Variants in CSMD3 observed in about 807,000 individuals in gnomAD.
CSMD3 encodes CUB and Sushi multiple domains 3.
CSMD3 carries 177 observed loss-of-function variants against 435.2 expected under a neutral mutation model. That is an observed-to-expected ratio of 0.41 (90% confidence interval 0.36 to 0.46). CSMD3 has a LOEUF of 0.46. CSMD3 is among the 20% of genes least tolerant of loss of function. The pLI is 0.34. For synonymous variants in CSMD3, 1,656 were observed against 1,520.5 expected, an observed-to-expected ratio of 1.09 and a Z score of -2.07; for missense variants, 4,265 against 4,504.6, an observed-to-expected ratio of 0.95 and a Z score of 1.52.
chr8:112,692,318 G>A (rs1246169653), intron 13 of CSMD3, among the ~76,000 whole-genome samples: 1 of 151,996 alleles, frequency 6.6e-6, no homozygotes, highest in Non-Finnish European at 1.5e-5. Context: ...TTGTTCACTT[G>A]TGAAAAGTTT....
intron 4 of CSMD3, among the ~76,000 whole-genome samples, chr8:113,166,370 T>C (rs2092149286): frequency 6.6e-6 from 1 of 152,080 alleles, no homozygotes; most frequent in Non-Finnish European, 1.5e-5. Flanking sequence ...CTTGATGTGG[T>C]GGTGCATACC....
At chr8:112,719,976 C>T (rs957710975) in intron 13 of CSMD3, among the ~76,000 whole-genome samples, 3 of 152,114 alleles carry the variant, frequency 2.0e-5, no homozygotes, top group African/African-American at 2.4e-5. Context: ...GTGAGAGAGA[C>T]GAAGAACCTA....
chr8:112,665,732 T>G (rs1246967462), intron 17 of CSMD3, among the ~76,000 whole-genome samples: 1 of 152,168 alleles, frequency 6.6e-6, no homozygotes, highest in Non-Finnish European at 1.5e-5. Context: ...ATTTAAAATA[T>G]ACAATATTAT....
intron 2 of CSMD3, among the ~76,000 whole-genome samples, chr8:113,299,092 A>G (rs1040286617): frequency 7.2e-5 from 11 of 152,288 alleles, no homozygotes; most frequent in Admixed American, 2.0e-4. Context: ...GCTGCTATAA[A>G]TATTAGCCAA....
intron 6 of CSMD3, among the ~76,000 whole-genome samples, chr8:112,986,443 G>T (rs1353990708): frequency 6.6e-6 from 1 of 151,990 alleles, no homozygotes; most frequent in Non-Finnish European, 1.5e-5. Context: ...ACATCACAAG[G>T]ACATCTAGGC....
chr8:113,167,704 C>T (rs2092180903), intron 4 of CSMD3, among the ~76,000 whole-genome samples: 1 of 152,190 alleles, frequency 6.6e-6, no homozygotes, highest in Non-Finnish European at 1.5e-5. Context: ...GGATTGACAT[C>T]ACTGCAATTT....
chr8:113,232,669 T>C (rs2093101700), intron 3 of CSMD3, among the ~76,000 whole-genome samples: 1 of 151,716 alleles, frequency 6.6e-6, no homozygotes, highest in Non-Finnish European at 1.5e-5. Context: ...ATAGAAGGAG[T>C]AATGTCCAGT....
chr8:112,729,729 C>T (rs1023874437), intron 13 of CSMD3, among the ~76,000 whole-genome samples: 1 of 152,056 alleles, frequency 6.6e-6, no homozygotes, highest in African/African-American at 2.4e-5. Flanking sequence ...CTTATATGGA[C>T]ACACAGAAGA....
At chr8:112,499,116 C>A (rs1277109431) in intron 30 of CSMD3, among the ~76,000 whole-genome samples, 1 of 151,684 alleles carries the variant, frequency 6.6e-6, no homozygotes, top group South Asian at 2.1e-4. Flanking sequence ...AATAAATAAG[C>A]AAGGAAGTAT....
chr8:112,323,039 G>C (rs1158363791), intron 45 of CSMD3, among the ~76,000 whole-genome samples: 3 of 152,014 alleles, frequency 2.0e-5, no homozygotes, highest in Admixed American at 6.6e-5. Flanking sequence ...AAACAATTGA[G>C]TGTCAGACAA....
At chr8:112,276,745 G>A (rs1349299305) in intron 59 of CSMD3, among the ~76,000 whole-genome samples, 8 of 152,168 alleles carry the variant, frequency 5.3e-5, no homozygotes, top group Admixed American at 5.2e-4. Flanking sequence ...GTACAGGCAT[G>A]TCCATACATC....
At chr8:112,657,656 A>G (rs2075288323) in intron 17 of CSMD3, among the ~76,000 whole-genome samples, 1 of 152,210 alleles carries the variant, frequency 6.6e-6, no homozygotes, top group South Asian at 2.1e-4. Flanking sequence ...AAACTGTGGA[A>G]AAATGTTTAT....
chr8:113,195,791 T>TATA (rs2092645423), intron 3 of CSMD3, among the ~76,000 whole-genome samples: 4 of 126,046 alleles, frequency 3.2e-5, no homozygotes, highest in African/African-American at 9.3e-5. Flanking sequence ...ATCCTATATT[T>TATA]TATATATATA....
intron 2 of CSMD3, among the ~76,000 whole-genome samples, chr8:113,289,931 C>T (rs192413767): frequency 1.3e-3 from 198 of 151,624 alleles, no homozygotes; most frequent in African/African-American, 4.6e-3. Flanking sequence ...TAATTAGCAC[C>T]CACTCTCGGT....
chr8:113,100,466 A>G (rs1290236423), intron 4 of CSMD3, among the ~76,000 whole-genome samples: 1 of 152,092 alleles, frequency 6.6e-6, no homozygotes, highest in African/African-American at 2.4e-5. Context: ...CTTTGATAAT[A>G]AATTATTTCA....
intron 10 of CSMD3, among the ~76,000 whole-genome samples, chr8:112,862,823 A>G (rs538079450): frequency 8.5e-5 from 13 of 152,128 alleles, no homozygotes; most frequent in African/African-American, 2.9e-4. Flanking sequence ...TACCTAAATT[A>G]CTCTCCAAAA....
chr8:113,127,130 A>G (rs2091156382), intron 4 of CSMD3, among the ~76,000 whole-genome samples: 1 of 152,012 alleles, frequency 6.6e-6, no homozygotes, highest in Non-Finnish European at 1.5e-5. Flanking sequence ...GCTGTGCCTT[A>G]TCTTACAATT....
chr8:113,171,063 A>C (rs560498996), intron 4 of CSMD3, among the ~76,000 whole-genome samples: 49 of 152,094 alleles, frequency 3.2e-4, no homozygotes, highest in African/African-American at 1.1e-3. Context: ...ACAGAAGGAC[A>C]TTTGATATTA....
At chr8:113,001,570 A>C (rs1437063416) in intron 6 of CSMD3, among the ~76,000 whole-genome samples, 2 of 152,006 alleles carry the variant, frequency 1.3e-5, no homozygotes, top group African/African-American at 4.8e-5. Context: ...CCCCTGTATT[A>C]TTCTCTATTC....
Sources: gnomAD v4.1 joint callset for allele counts (sites outside exome capture counted in the v4.1 genomes callset) on GRCh38, gnomAD v4.1.1 for gene constraint, MANE v1.5 for transcripts, NCBI Gene and HGNC (gene_info 2026-07-23, HGNC 2026-07-21) for gene names.